Variants in DGKB observed in about 807,000 individuals in gnomAD.
DGKB encodes the protein 90 kDa diacylglycerol kinase.
Under a neutral mutation model 114.3 loss-of-function variants are expected in DGKB, and 67 were observed. That is an observed-to-expected ratio of 0.59 (90% CI 0.48 to 0.72). DGKB has a LOEUF of 0.72. DGKB is among the 30% of genes least tolerant of loss of function. The pLI, the probability that DGKB is intolerant of heterozygous loss-of-function variation, is 0.00. For synonymous variants in DGKB, 398 were observed against 323.1 expected (o/e 1.23, Z -2.49); for missense variants, 907 against 975.2 (o/e 0.93, Z 0.93).
intron 1 of DGKB, among the ~76,000 whole-genome samples, chr7:14,844,129 G>A (rs1848319007): frequency 6.6e-6 from 1 of 152,208 alleles, no homozygotes; most frequent in Non-Finnish European, 1.5e-5. Flanking sequence ...ACATGAAGAA[G>A]TGGCCAATGA....
intron 23 of DGKB, among the ~76,000 whole-genome samples, chr7:14,219,619 C>T (rs756202872): frequency 6.6e-6 from 1 of 151,656 alleles, no homozygotes; most frequent in Non-Finnish European, 1.5e-5. Flanking sequence ...ATCTGCCATG[C>T]TGTAATTGGG....
chr7:14,645,950 A>C (rs1812911201), intron 13 of DGKB, among the ~76,000 whole-genome samples: 1 of 152,170 alleles, frequency 6.6e-6, no homozygotes, highest in African/African-American at 2.4e-5. Context: ...AAATAACTTA[A>C]GAGAGAAAGA....
intron 20 of DGKB, among the ~76,000 whole-genome samples, chr7:14,494,140 A>C (rs1478142218): frequency 1.2e-4 from 18 of 152,028 alleles, no homozygotes; most frequent in Admixed American, 1.2e-3. Context: ...TGCTCTGCAT[A>C]TTAAATTCTT....
chr7:14,403,178 C>G (rs1823400258), intron 21 of DGKB, among the ~76,000 whole-genome samples: 1 of 151,504 alleles, frequency 6.6e-6, no homozygotes, highest in Admixed American at 6.6e-5. Flanking sequence ...TATACATACC[C>G]CTCCCATAAA....
chr7:14,562,331 G>A (rs1278046706), intron 20 of DGKB, among the ~76,000 whole-genome samples: 2 of 152,232 alleles, frequency 1.3e-5, no homozygotes, highest in East Asian at 3.9e-4. Context: ...AAGTGCATAA[G>A]GGAAATGTGG....
intron 21 of DGKB, among the ~76,000 whole-genome samples, chr7:14,381,420 T>A (rs983511825): frequency 6.6e-6 from 1 of 152,204 alleles, no homozygotes; most frequent in African/African-American, 2.4e-5. Context: ...CTGCTTGGCA[T>A]GTACTATTTT....
At chr7:14,754,869 C>T (rs1834641255) in intron 3 of DGKB, among the ~76,000 whole-genome samples, 1 of 152,118 alleles carries the variant, frequency 6.6e-6, no homozygotes, top group African/African-American at 2.4e-5. Context: ...CATGCCTTCC[C>T]CTAACCTTTC....
rs1822445093 is a variant in DGKB at position 14,397,631 on chromosome 7, A to C, written c.1836-52240T>G. On this transcript the variant is annotated intron_variant, in intron 21 of 25. Transcript: ENST00000402815. Reference sequence around the variant, plus strand: ...ACTTCTATCACTATGTGTGACCTGCATGTTCACCACCAGGGTCCAGTGGAC... The same window carrying C: ...ACTTCTATCACTATGTGTGACCTGCCTGTTCACCACCAGGGTCCAGTGGAC... Among the ~76,000 whole-genome samples, 3 of 152,122 alleles carry C rather than the reference A, an allele frequency of 2.0e-5. No individual in the cohort carries two copies. In the South Asian group the frequency reaches 6.2e-4, roughly 32 times the overall value.
intron 2 of DGKB, among the ~76,000 whole-genome samples, chr7:14,830,861 G>A (rs1163856514): frequency 2.6e-5 from 4 of 151,642 alleles, no homozygotes; most frequent in Non-Finnish European, 4.4e-5. Context: ...ATAAAGTACT[G>A]AAAATAACTT....
At chr7:14,219,483 G>C (rs1458569943) in intron 23 of DGKB, among the ~76,000 whole-genome samples, 1 of 151,638 alleles carries the variant, frequency 6.6e-6, no homozygotes, top group Non-Finnish European at 1.5e-5. Context: ...TATTTCTTTA[G>C]GGTTTTGATT....
At chr7:14,927,120 G>A (rs1784788343) in intron 1 of DGKB, among the ~76,000 whole-genome samples, 1 of 151,430 alleles carries the variant, frequency 6.6e-6, no homozygotes, top group Non-Finnish European at 1.5e-5. Flanking sequence ...GTTTCTCGGA[G>A]TTTCTTGTTG....
intron 1 of DGKB, among the ~76,000 whole-genome samples, chr7:14,962,910 C>CA (rs1193345884): frequency 6.6e-6 from 1 of 152,108 alleles, no homozygotes; most frequent in Non-Finnish European, 1.5e-5. Context: ...TATATTGACT[C>CA]ATTAATTAAA....
chr7:14,924,451 C>G (rs550726456), intron 1 of DGKB, among the ~76,000 whole-genome samples: 17 of 152,098 alleles, frequency 1.1e-4, no homozygotes, highest in African/African-American at 3.9e-4. Flanking sequence ...CAGAGATTTC[C>G]TCTGTGGTAC....
rs1788257153 is a variant in DGKB, at chr7:14,212,440, A to ATTTTACTCTCG, written c.2123-34290_2123-34289insCGAGAGTAAAA. Reference sequence around the variant, plus strand: ...CTCGTGTTTTGTGATATTTACTCTCATGTTTTGTGTTCCTCTACATCTCTG... The same window carrying ATTTTACTCTCG: ...CTCGTGTTTTGTGATATTTACTCTCATTTTACTCTCGTGTTTTGTGTTCCTCTACATCTCTG... On this transcript the variant is annotated intron_variant, in intron 23 of 25. Coordinates refer to ENST00000402815, the MANE Select transcript of DGKB (RefSeq NM_001350709.2). Among the ~76,000 whole-genome samples, 8 of 107,220 alleles carry ATTTTACTCTCG rather than the reference A, an allele frequency of 7.5e-5. 2 individuals carry two copies. The highest frequency in any genetic ancestry group is 1.7e-4 in the Admixed American group (2 of 11,760). The allele number at this position is 107,220 out of a possible 152,430, so 70.3% of individuals were successfully genotyped here. A position where few individuals can be genotyped will look rare whatever the true frequency, so the allele number is the denominator to read the frequency against.
At chr7:14,496,610 C>G (rs1785345333) in intron 20 of DGKB, among the ~76,000 whole-genome samples, 1 of 151,714 alleles carries the variant, frequency 6.6e-6, no homozygotes, top group Admixed American at 6.6e-5. Flanking sequence ...AAACATAGAA[C>G]TTCTGTTAGG....
At chr7:14,191,566 A>T (rs1784321494) in intron 23 of DGKB, 2 of 195,218 alleles carry the variant, frequency 1.0e-5, no homozygotes, top group Non-Finnish European at 2.3e-5. Flanking sequence ...GGTGATTTTG[A>T]TACTGTTACT....
upstream of DGKB, among the ~76,000 whole-genome samples, chr7:14,908,311 C>G (rs1186085874): frequency 6.6e-6 from 1 of 152,132 alleles, no homozygotes; most frequent in Non-Finnish European, 1.5e-5. Context: ...TTCTAACACG[C>G]TGGAGGCCAT....
At chr7:14,399,977 C>T (rs921944584) in intron 21 of DGKB, among the ~76,000 whole-genome samples, 9 of 151,536 alleles carry the variant, frequency 5.9e-5, no homozygotes, top group Admixed American at 1.3e-4. Flanking sequence ...TAAATTTTGA[C>T]GATAAGAATA....
chr7:14,935,985 A>T (rs1020739255), intron 1 of DGKB, among the ~76,000 whole-genome samples: 4 of 152,210 alleles, frequency 2.6e-5, no homozygotes, highest in Non-Finnish European at 5.9e-5. Context: ...AGTTTGGGAA[A>T]TGCTAATCCA....
Sources: gnomAD v4.1 joint callset for allele counts (sites outside exome capture counted in the v4.1 genomes callset) on GRCh38, gnomAD v4.1.1 for gene constraint, MANE v1.5 for transcripts, NCBI Gene and HGNC (gene_info 2026-07-23, HGNC 2026-07-21) for gene names.